Variants in LRBA observed in about 807,000 individuals in gnomAD.
LRBA encodes the protein lipopolysaccharide-responsive and beige-like anchor protein.
A neutral mutation model predicts 330.0 loss-of-function variants in LRBA; 176 were observed. That is an observed-to-expected ratio of 0.53 (90% CI 0.47 to 0.60). LRBA has a LOEUF of 0.60. LRBA is among the 20% of genes least tolerant of loss of function. LRBA has a pLI of 0.00. For missense variants in LRBA, 3,259 were observed against 3,444.8 expected (o/e 0.95, Z 1.35); for synonymous variants, 1,230 against 1,193.0 (o/e 1.03, Z -0.64).
intron 47 of LRBA, among the ~76,000 whole-genome samples, chr4:150,379,773 A>G (rs1282273829): frequency 2.0e-5 from 3 of 152,210 alleles, no homozygotes; most frequent in Non-Finnish European, 4.4e-5. Flanking sequence ...TTGTTTTAAC[A>G]CTATCCACAT....
At chr4:150,364,624 T>C (rs1739179145) in intron 47 of LRBA, among the ~76,000 whole-genome samples, 1 of 152,244 alleles carries the variant, frequency 6.6e-6, no homozygotes, top group South Asian at 2.1e-4. Context: ...GCTGAGTATA[T>C]ACTAAATCTG....
Position 150,435,656 on chromosome 4 carries a change from G to A in LRBA, c.6974C>T (p.Ala2325Val). 1 of 1,612,100 alleles carries A rather than the reference G, an allele frequency of 6.2e-7. No individual in the cohort carries two copies. Residue 2325 changes from alanine to valine, a missense_variant, in exon 46 of 57, where the codon GCA (alanine) becomes GTA (valine). By Grantham distance (64) the Ala-to-Val change is moderately conservative. Coordinates refer to ENST00000651943, the MANE Select transcript of LRBA (RefSeq NM_001364905.1). ...LNLQGGKFDH[A>V]DRTFSSISRA... Reference sequence around the variant, plus strand: ...GGAAATTGATGAAAAAGTTCGATCTGCATGATCAAATTTGCCTCCTTGCAA... The same window carrying A: ...GGAAATTGATGAAAAAGTTCGATCTACATGATCAAATTTGCCTCCTTGCAA...
rs1371609735 is a variant in LRBA, at chr4:150,618,541, T to C, written c.5922-19410A>G. Among the ~76,000 whole-genome samples the C allele has an allele frequency of 3.1e-4, 47 of 152,282 alleles. 1 individual carries two copies. Among genetic ancestry groups the C allele is most frequent in the Non-Finnish European group, 2.9e-5 (2 of 67,998 alleles). Reference sequence around the variant, plus strand: ...ACTCCTAATCTTTGGAAACCTGGAATAGTTTTTTATTTTTTAAAGTTAAAA... The same window carrying C: ...ACTCCTAATCTTTGGAAACCTGGAACAGTTTTTTATTTTTTAAAGTTAAAA... On this transcript the variant is annotated intron_variant, in intron 37 of 56. Transcript: ENST00000651943.
At chr4:150,846,324 A>C (rs1467287238) in intron 26 of LRBA, among the ~76,000 whole-genome samples, 1 of 151,976 alleles carries the variant, frequency 6.6e-6, no homozygotes, top group Non-Finnish European at 1.5e-5. Context: ...AGGTCAGGAG[A>C]TCGAGACCAT....
intron 47 of LRBA, among the ~76,000 whole-genome samples, chr4:150,396,243 A>G (rs1744710731): frequency 6.6e-6 from 1 of 152,182 alleles, no homozygotes; most frequent in African/African-American, 2.4e-5. Context: ...CTTAGGCATT[A>G]GAGCTCCTGG....
chr4:150,612,838 A>G (rs1775405310), intron 37 of LRBA, among the ~76,000 whole-genome samples: 1 of 152,216 alleles, frequency 6.6e-6, no homozygotes, highest in Non-Finnish European at 1.5e-5. Context: ...TAAGAAAAGT[A>G]AAAACCCAGA....
intron 44 of LRBA, among the ~76,000 whole-genome samples, chr4:150,441,663 T>C (rs1165729740): frequency 6.6e-6 from 1 of 152,066 alleles, no homozygotes; most frequent in Non-Finnish European, 1.5e-5. Context: ...AATAAATAGG[T>C]AATCTAGATA....
chr4:150,856,528 TAGTC>T lies in LRBA; in HGVS notation c.2767-3589_2767-3586del, dbSNP rs376545733. Among the ~76,000 whole-genome samples, 35 of 152,360 alleles carry T rather than the reference TAGTC, an allele frequency of 2.3e-4. No homozygotes were observed. The East Asian group carries it at 5.2e-3, about 23-fold the overall frequency. On this transcript the variant is annotated intron_variant, in intron 22 of 56. Coordinates refer to ENST00000651943, the MANE Select transcript of LRBA (RefSeq NM_001364905.1). ...TTATTCTCGCTTCATACTTGATTAA[TAGTC>T]AGAGTATAAAACCACAGATAGAAAA...
At chr4:150,618,742 T>C (rs1776009249) in intron 37 of LRBA, among the ~76,000 whole-genome samples, 1 of 151,962 alleles carries the variant, frequency 6.6e-6, no homozygotes, top group East Asian at 1.9e-4. Context: ...TGGTCTGCTA[T>C]AGCATTTTCT....
chr4:150,842,168 T>C (rs747410882), intron 28 of LRBA, among the ~76,000 whole-genome samples: 2 of 152,224 alleles, frequency 1.3e-5, no homozygotes, highest in Non-Finnish European at 2.9e-5. Flanking sequence ...ATATAATAAC[T>C]GGTTAGAAGG....
At chr4:150,855,171 T>C (rs1309606495) in intron 22 of LRBA, among the ~76,000 whole-genome samples, 1 of 152,094 alleles carries the variant, frequency 6.6e-6, no homozygotes, top group Non-Finnish European at 1.5e-5. Flanking sequence ...GGCAGGAAAA[T>C]TGCTTGAACC....
chr4:150,817,745 G>A (rs1682068227), intron 30 of LRBA, among the ~76,000 whole-genome samples: 1 of 150,966 alleles, frequency 6.6e-6, no homozygotes, highest in South Asian at 2.1e-4. Flanking sequence ...ATATAAAAAA[G>A]CAATGCATAG....
intron 53 of LRBA, among the ~76,000 whole-genome samples, chr4:150,301,168 G>A (rs774657224): frequency 5.9e-5 from 9 of 151,938 alleles, no homozygotes; most frequent in Non-Finnish European, 1.2e-4. Context: ...TATTCTAAGA[G>A]GACAGACAGG....
chr4:150,310,219 T>A lies in LRBA; in HGVS notation c.7849+10A>T, dbSNP rs1813134. On this transcript the variant is annotated intron_variant, in intron 52 of 56. Coordinates refer to ENST00000651943, the MANE Select transcript of LRBA (RefSeq NM_001364905.1). ...AACTTTAGTTCACTGATAAAGAAAA[T>A]GAAAATTACCTGTGTCTGTAGAATA... is the stretch of plus-strand genomic sequence containing the variant. 7.5e-6 allele frequency: 12 copies of A among 1,596,920 alleles called. No homozygotes were observed. The South Asian group carries it at 1.3e-4, about 18-fold the overall frequency.
chr4:150,508,103 C>A (rs1561280497), intron 40 of LRBA, among the ~76,000 whole-genome samples: 1 of 149,344 alleles, frequency 6.7e-6, no homozygotes, highest in Non-Finnish European at 1.5e-5. Flanking sequence ...GGAGGGATAG[C>A]ATTAGGAGAT....
chr4:150,660,482 G>T (rs1356801575), intron 37 of LRBA, among the ~76,000 whole-genome samples: 1 of 151,748 alleles, frequency 6.6e-6, no homozygotes, highest in Non-Finnish European at 1.5e-5. Context: ...GGGAGGTGGG[G>T]GGGGTCAGCC....
At chr4:150,810,752 C>A (rs1420006294) in intron 31 of LRBA, among the ~76,000 whole-genome samples, 1 of 152,248 alleles carries the variant, frequency 6.6e-6, no homozygotes, top group South Asian at 2.1e-4. Context: ...TAGGTGGATG[C>A]CACCACACCT....
At chr4:150,878,651 G>T (rs1296982953) in intron 17 of LRBA, among the ~76,000 whole-genome samples, 2 of 150,930 alleles carry the variant, frequency 1.3e-5, no homozygotes, top group African/African-American at 2.4e-5. Flanking sequence ...AAATGACAAA[G>T]TTGATGATAC....
rs1303986826 is a variant in LRBA at position 150,583,896 on chromosome 4, G to T, written c.6330+4152C>A. 1 of 1,613,282 alleles carries T rather than the reference G, an allele frequency of 6.2e-7. No individual in the cohort carries two copies. Among genetic ancestry groups the T allele is most frequent in the Non-Finnish European group, 8.5e-7 (1 of 1,179,592 alleles). On this transcript the variant is annotated intron_variant, in intron 40 of 56. Transcript: ENST00000651943. This position sits in a 1 kb window ranked among gnomAD's most constrained non-coding sequence, Gnocchi z 9.8. Reference sequence around the variant, plus strand: ...AGTGCGAGAAACACCCACGAGAAACGGACTGGGACGAGTCGTGCCTGGGCG... The same window carrying T: ...AGTGCGAGAAACACCCACGAGAAACTGACTGGGACGAGTCGTGCCTGGGCG...
Sources: gnomAD v4.1 joint callset for allele counts (sites outside exome capture counted in the v4.1 genomes callset) on GRCh38, gnomAD v4.1.1 for gene constraint, Gnocchi (gnomAD v3.1) non-coding constraint, MANE v1.5 for transcripts, NCBI Gene and HGNC (gene_info 2026-07-23, HGNC 2026-07-21) for gene names.